ATF3: variants seen among roughly 807,000 people sequenced by gnomAD.
ATF3 encodes the protein activating transcription factor 3, also known as cyclic AMP-dependent transcription factor ATF-3.
A neutral mutation model predicts 18.4 loss-of-function variants in ATF3; 10 were observed. That is an observed-to-expected ratio of 0.54 (90% CI 0.34 to 0.92). The LOEUF is 0.92. Among genes scored for constraint, ATF3 ranks in the 40% least tolerant of loss-of-function variants. The pLI, the probability that ATF3 is intolerant of heterozygous loss-of-function variation, is 0.02. For missense variants in ATF3, 183 were observed against 222.3 expected (o/e 0.82, Z 1.12); for synonymous variants, 78 against 87.9 (o/e 0.89, Z 0.63).
intron 1 of ATF3, among the ~76,000 whole-genome samples, chr1:212,593,732 C>A (rs1664934029): frequency 8.6e-6 from 1 of 116,358 alleles, no homozygotes; most frequent in Non-Finnish European, 1.7e-5. Flanking sequence ...TAGAGAGAGA[C>A]CCTGTCTCTT....
chr1:212,584,257 G>T lies in ATF3; in HGVS notation c.-5+18774G>T, dbSNP rs180981392. On this transcript the variant is annotated intron_variant, in intron 1 of 3. Coordinates refer to the ATF3 transcript ENST00000366981. ...CTGAGCATCCTGAAAGCAGAAAACA[G>T]CTGTTACTCCCTGTGTTAGTCAGGG... is the stretch of plus-strand genomic sequence containing the variant. Among the ~76,000 whole-genome samples the T allele has an allele frequency of 6.6e-4, 101 of 152,266 alleles. 1 individual carries two copies. Among genetic ancestry groups the T allele is most frequent in the Admixed American group, 2.9e-3 (45 of 15,296 alleles).
intron 1 of ATF3, among the ~76,000 whole-genome samples, chr1:212,579,567 G>A (rs960975951): frequency 1.3e-5 from 2 of 152,184 alleles, no homozygotes; most frequent in Admixed American, 6.5e-5. Flanking sequence ...CTGGGGGAAC[G>A]GTCAGCCTAG....
intron 1 of ATF3, chr1:212,613,540 C>A (rs1287389451): frequency 1.3e-5 from 2 of 152,190 alleles, no homozygotes; most frequent in Non-Finnish European, 2.9e-5. Context: ...GCAGCTAGAT[C>A]TTAACTCACT....
Position 212,619,624 on chromosome 1 carries a change from C to T in ATF3, c.*69C>T. 1.3e-6 allele frequency: 2 copies of T among 1,576,442 alleles called. No individual in the cohort carries two copies. The highest frequency in any genetic ancestry group is 2.3e-5 in the South Asian group (2 of 86,856). The stretch of plus-strand genomic sequence containing the variant: ...TCATTTTATACCCAAAACCCTGAAG[C>T]CATTGGAGAGCTGTCTTCCTGTGTA... On this transcript the variant is annotated 3_prime_UTR_variant, in exon 4 of 4. Coordinates refer to ENST00000341491, the MANE Select transcript of ATF3 (RefSeq NM_001674.4). The surrounding 1 kb of genome is among the most constrained non-coding windows in gnomAD (Gnocchi z 4.4).
At chr1:212,573,943 GT>G (rs3049934) in intron 1 of ATF3, among the ~76,000 whole-genome samples, 8 of 149,266 alleles carry the variant, frequency 5.4e-5, no homozygotes, top group African/African-American at 1.5e-4. Flanking sequence ...TATTCATAGG[GT>G]TTTTTTTTCT....
At chr1:212,568,499 C>CT (rs1664422910) in intron 1 of ATF3, among the ~76,000 whole-genome samples, 1 of 152,128 alleles carries the variant, frequency 6.6e-6, no homozygotes, top group South Asian at 2.1e-4. Context: ...TTTTTGTGGA[C>CT]TACTTGTATT....
At chr1:212,602,259 G>A (rs1249608488) in intron 1 of ATF3, among the ~76,000 whole-genome samples, 1 of 152,094 alleles carries the variant, frequency 6.6e-6, no homozygotes, top group Admixed American at 6.5e-5. Flanking sequence ...CCCCTAAAAT[G>A]TTTTAGGGTG....
chr1:212,596,199 C>T (rs927427340), intron 1 of ATF3, among the ~76,000 whole-genome samples: 3 of 152,102 alleles, frequency 2.0e-5, no homozygotes, highest in African/African-American at 4.8e-5. Context: ...TCCAAATGGC[C>T]GTTACAAGAT....
chr1:212,591,009 T>C (rs1004600225), intron 1 of ATF3, among the ~76,000 whole-genome samples: 2 of 152,210 alleles, frequency 1.3e-5, no homozygotes, highest in African/African-American at 4.8e-5. Flanking sequence ...AGAATACAAT[T>C]CATAGCAATA....
upstream of ATF3, among the ~76,000 whole-genome samples, chr1:212,603,774 A>ATGTGTG (rs200683844): frequency 4.2e-3 from 345 of 81,936 alleles, 1 homozygote; most frequent in Non-Finnish European, 4.5e-3. Flanking sequence ...GTGTGTATAT[A>ATGTGTG]TATGTGTGTG....
chr1:212,576,009 C>T (rs1038360772), intron 1 of ATF3, among the ~76,000 whole-genome samples: 2 of 151,954 alleles, frequency 1.3e-5, no homozygotes, highest in African/African-American at 4.8e-5. Flanking sequence ...TTCCTTTTTC[C>T]TCCTACCCTC....
chr1:212,573,059 T>G (rs1287611064), intron 1 of ATF3, among the ~76,000 whole-genome samples: 1 of 152,154 alleles, frequency 6.6e-6, no homozygotes, highest in Non-Finnish European at 1.5e-5. Context: ...TTATATCATG[T>G]ACAAGTAATT....
At chr1:212,579,254 C>A (rs1410343961) in intron 1 of ATF3, among the ~76,000 whole-genome samples, 2 of 152,094 alleles carry the variant, frequency 1.3e-5, no homozygotes, top group Non-Finnish European at 2.9e-5. Flanking sequence ...TCAGGCAATC[C>A]ACCTGCCTCA....
chr1:212,612,259 T>C (rs1394996972), intron 1 of ATF3, among the ~76,000 whole-genome samples: 1 of 152,232 alleles, frequency 6.6e-6, no homozygotes, highest in Non-Finnish European at 1.5e-5. Flanking sequence ...CTTCAGCTTC[T>C]TTCATTGGGA....
chr1:212,607,669 C>T (rs1416890523), upstream of ATF3, among the ~76,000 whole-genome samples: 2 of 152,200 alleles, frequency 1.3e-5, no homozygotes, highest in African/African-American at 4.8e-5. Context: ...AGCAGAAGAA[C>T]ACGTGAAAGC....
chr1:212,585,917 C>T (rs970429822), intron 1 of ATF3, among the ~76,000 whole-genome samples: 54 of 152,152 alleles, frequency 3.5e-4, no homozygotes, highest in East Asian at 9.7e-4. Context: ...TGAGGTTCCC[C>T]GGGCCTTTAG....
At chr1:212,580,254 T>C (rs776457893) in intron 1 of ATF3, among the ~76,000 whole-genome samples, 2 of 152,274 alleles carry the variant, frequency 1.3e-5, no homozygotes, top group Non-Finnish European at 2.9e-5. Context: ...GTATCCTTCT[T>C]CTCTACAGAG....
chr1:212,586,959 C>G (rs1417621037), intron 1 of ATF3, among the ~76,000 whole-genome samples: 1 of 152,178 alleles, frequency 6.6e-6, no homozygotes, highest in Non-Finnish European at 1.5e-5. Flanking sequence ...CTGGGCTGGG[C>G]CCTCCGCAGG....
At chr1:212,591,422 G>A (rs930809583) in intron 1 of ATF3, among the ~76,000 whole-genome samples, 1 of 152,188 alleles carries the variant, frequency 6.6e-6, no homozygotes, top group Non-Finnish European at 1.5e-5. Context: ...CAGGAAACCA[G>A]TTGAGAAGGT....
Sources: gnomAD v4.1 joint callset for allele counts (sites outside exome capture counted in the v4.1 genomes callset) on GRCh38, gnomAD v4.1.1 for gene constraint, Gnocchi (gnomAD v3.1) non-coding constraint, MANE v1.5 for transcripts, NCBI Gene and HGNC (gene_info 2026-07-23, HGNC 2026-07-21) for gene names.